IDE: variants seen among roughly 807,000 people sequenced by gnomAD.
IDE encodes insulin degrading enzyme.
A neutral mutation model predicts 133.2 loss-of-function variants in IDE; 58 were observed. That is an observed-to-expected ratio of 0.44 (90% CI 0.35 to 0.54). The LOEUF is 0.54. Ranked by LOEUF, IDE falls within the 20% of genes least tolerant of loss-of-function variation. The pLI is 0.00. For missense variants in IDE, 981 were observed against 1,234.0 expected (o/e 0.79, Z 3.07); for synonymous variants, 396 against 421.3 (o/e 0.94, Z 0.73).
Position 92,512,415 on chromosome 10 carries a change from T to C in IDE, c.785-2253A>G, listed in dbSNP as rs148690125. ...TGGATCAGAGAATTGAGACACTTTA[T>C]TTTTTAGATTCTTATTCTGTCATTT... On this transcript the variant is annotated intron_variant, in intron 5 of 24. Coordinates refer to ENST00000265986, the MANE Select transcript of IDE (RefSeq NM_004969.4). 3.0e-3 allele frequency among the ~76,000 whole-genome samples: 455 copies of C among 152,298 alleles called. 7 individuals carry two copies. The highest frequency in any genetic ancestry group is 0.011 in the African/African-American group (442 of 41,556).
At chr10:92,566,438 C>CAA (rs1843555713) in intron 1 of IDE, among the ~76,000 whole-genome samples, 1 of 151,392 alleles carries the variant, frequency 6.6e-6, no homozygotes, top group Admixed American at 6.6e-5. Flanking sequence ...CACACACACA[C>CAA]AACATAGGCA....
intron 22 of IDE, among the ~76,000 whole-genome samples, chr10:92,457,859 G>C (rs971668764): frequency 6.6e-6 from 1 of 152,094 alleles, no homozygotes; most frequent in Non-Finnish European, 1.5e-5. Flanking sequence ...CTGCCAGCAG[G>C]CAAAACAGCC....
chr10:92,548,825 G>T (rs572149143), intron 1 of IDE, among the ~76,000 whole-genome samples: 1 of 152,278 alleles, frequency 6.6e-6, no homozygotes, highest in Non-Finnish European at 1.5e-5. Flanking sequence ...CTCAATGGGT[G>T]ACTATTCCCA....
intron 2 of IDE, among the ~76,000 whole-genome samples, chr10:92,536,377 C>A (rs1842004008): frequency 7.0e-6 from 1 of 143,642 alleles, no homozygotes; most frequent in South Asian, 2.2e-4. Context: ...CAGTGAAACT[C>A]CGTCTCAAAA....
chr10:92,456,569 T>C (rs936185110), intron 22 of IDE, 138 bp from the exon 23 acceptor site: 31 of 681,588 alleles, frequency 4.5e-5, no homozygotes, highest in African/African-American at 4.4e-4. Context: ...CCGGGTGCAG[T>C]GGCTCATGCC....
intron 1 of IDE, among the ~76,000 whole-genome samples, chr10:92,550,706 CTAAAAATA>C (rs1842741052): frequency 7.2e-6 from 1 of 138,440 alleles, no homozygotes; most frequent in Non-Finnish European, 1.6e-5. Flanking sequence ...CCCGTTTCTA[CTAAAAATA>C]TAAAAATTAG....
rs760028604 is a variant in IDE at position 92,531,950 on chromosome 10, G to A, written c.492-33C>T. 2.8e-6 allele frequency: 4 copies of A among 1,418,710 alleles called. No homozygotes were observed. In the South Asian group the frequency reaches 4.9e-5, roughly 17 times the overall value. 87.9% of individuals were successfully genotyped at this position (1,418,710 alleles called of 1,614,324 possible). On this transcript the variant is annotated intron_variant, in intron 3 of 24. Coordinates refer to ENST00000265986, the MANE Select transcript of IDE (RefSeq NM_004969.4). ...TACGAAACATAATTAAAACTTGAAA[G>A]ATGTCATTTTAAAACAATAGCCTTT...
At chr10:92,487,534 A>G (rs1311002862) in intron 12 of IDE, among the ~76,000 whole-genome samples, 1 of 152,178 alleles carries the variant, frequency 6.6e-6, no homozygotes, top group Admixed American at 6.5e-5. Flanking sequence ...GCACTCATAT[A>G]TCTACTCTTC....
intron 14 of IDE, chr10:92,479,636 TGC>T (rs1299001447): frequency 8.8e-6 from 4 of 454,182 alleles, no homozygotes; most frequent in Non-Finnish European, 1.6e-5. Flanking sequence ...TGTGCATGCG[TGC>T]GTGTGTGCGT....
At chr10:92,511,104 T>G (rs1589447832) in intron 5 of IDE, among the ~76,000 whole-genome samples, 2 of 144,936 alleles carry the variant, frequency 1.4e-5, no homozygotes, top group East Asian at 2.0e-4. Context: ...AAAAAAAACT[T>G]TTTTTTTTTT....
chr10:92,574,091 C>T lies in IDE; in HGVS notation c.-72G>A, dbSNP rs1843939990. ...CTTCGAGCCGGCCCTGCGCACTGCG[C>T]ATGCTCTAGCCGCGGCGCCGCGCGG... On this transcript the variant is annotated 5_prime_UTR_variant, in exon 1 of 25. The change abolishes an upstream ATG in the 5' untranslated region. Transcript: ENST00000265986. 8.0e-7 allele frequency: 1 copy of T among 1,257,100 alleles called. No individual in the cohort carries two copies. 77.9% of individuals were successfully genotyped at this position (1,257,100 alleles called of 1,614,324 possible).
At chr10:92,470,534 T>C (rs1262983990) in intron 17 of IDE, among the ~76,000 whole-genome samples, 189 bp from the exon 18 acceptor site, 1 of 152,248 alleles carries the variant, frequency 6.6e-6, no homozygotes, top group Non-Finnish European at 1.5e-5. Flanking sequence ...TATAATACTA[T>C]TAACTAAAGT....
At chr10:92,485,121 C>CTTTTT (rs1469725925) in intron 13 of IDE, among the ~76,000 whole-genome samples, 91 of 101,386 alleles carry the variant, frequency 9.0e-4, no homozygotes, top group Admixed American at 1.2e-3. Context: ...TTCTTTCTTT[C>CTTTTT]TTTCTTTTTT....
At chr10:92,486,024 G>A (rs1034717127) in intron 13 of IDE, among the ~76,000 whole-genome samples, 3 of 152,068 alleles carry the variant, frequency 2.0e-5, no homozygotes, top group Admixed American at 6.6e-5. Flanking sequence ...CTTTGCATAA[G>A]CTAATATAAA....
intron 10 of IDE, among the ~76,000 whole-genome samples, chr10:92,505,176 C>A (rs1848230636): frequency 6.6e-6 from 1 of 152,134 alleles, no homozygotes; most frequent in Admixed American, 6.6e-5. Context: ...TCGGGGAAAA[C>A]CACGAATGTT....
chr10:92,514,335 T>C (rs1848789194), intron 5 of IDE, among the ~76,000 whole-genome samples: 2 of 152,268 alleles, frequency 1.3e-5, no homozygotes, highest in South Asian at 2.1e-4. Context: ...AATCAAACCA[T>C]TGTTTACATT....
chr10:92,571,303 C>A (rs1289224015), intron 1 of IDE, among the ~76,000 whole-genome samples: 6 of 152,198 alleles, frequency 3.9e-5, no homozygotes, highest in African/African-American at 1.4e-4. Context: ...GCATGAGCCA[C>A]CCCACCTGGC....
In IDE at chr10:92,475,886, C is replaced by T. The variant is rs1846227496; in HGVS notation, c.1993G>A (p.Ala665Thr). The T allele has an allele frequency of 1.6e-6, 2 of 1,263,296 alleles. No individual in the cohort carries two copies. The highest frequency in any genetic ancestry group is 2.0e-5 in the Admixed American group (1 of 51,066). The allele number at this position is 1,263,296 out of a possible 1,614,324, so 78.3% of individuals were successfully genotyped here. Residue 665 changes from alanine (A) to threonine (T), a missense_variant and splice_region_variant, in exon 16 of 25, where the codon GCA becomes ACA. Ala to Thr is a moderately conservative substitution (Grantham distance 58, BLOSUM62 0). Around this residue, in one of 2 missense-constraint regions of IDE, gnomAD observed 660 missense variants for 894.7 expected, o/e 0.74. Transcript: ENST00000265986. ...AAAGCAGGGTTCAGAAAACTTACTG[C>T]TTCTTTGATAATTTCAAATCTTTTT... ...DEKRFEIIKE[A>T]YMRSLNNFRA...
intron 1 of IDE, among the ~76,000 whole-genome samples, chr10:92,565,022 G>C (rs1212357996): frequency 1.3e-5 from 2 of 152,012 alleles, no homozygotes; most frequent in South Asian, 2.1e-4. Flanking sequence ...GAGGTGGGTT[G>C]ATCACCTGAG....
Sources: gnomAD v4.1 joint callset for allele counts (sites outside exome capture counted in the v4.1 genomes callset) on GRCh38, gnomAD v4.1.1 for gene constraint, gnomAD v4.1.1 regional missense constraint, MANE v1.5 for transcripts, NCBI Gene and HGNC (gene_info 2026-07-23, HGNC 2026-07-21) for gene names.